The following TTYH3 variants were observed in gnomAD, a reference collection of about 807,000 sequenced individuals.
TTYH3 encodes protein tweety homolog 3.
A neutral mutation model predicts 68.2 loss-of-function variants in TTYH3; 23 were observed. The observed-to-expected ratio is 0.34, with a 90% CI of 0.24 to 0.48. The LOEUF (loss-of-function observed/expected upper bound fraction) is 0.48. Among genes scored for constraint, TTYH3 ranks in the 20% least tolerant of loss-of-function variants. The probability of loss-of-function intolerance (pLI) is 0.99; values close to 1 mark genes in which losing one functional copy is unlikely to be tolerated. For missense variants in TTYH3, 768 were observed against 727.7 expected (o/e 1.06, Z -0.64); for synonymous variants, 360 against 332.8 (o/e 1.08, Z -0.89).
intron 1 of TTYH3, among the ~76,000 whole-genome samples, chr7:2,639,181 G>A (rs1005873474): frequency 1.3e-5 from 2 of 152,156 alleles, no homozygotes; most frequent in Non-Finnish European, 2.9e-5. Flanking sequence ...GTGGAGGCAG[G>A]TGGGGGTCAC....
chr7:2,652,344 A>G (rs1209398697), intron 8 of TTYH3, 102 bp downstream of exon 8: 3 of 1,004,580 alleles, frequency 3.0e-6, no homozygotes, highest in Admixed American at 3.9e-5. Flanking sequence ...CTCAGCCTGC[A>G]GGACTGGGGA....
At chr7:2,647,060 A>C (rs1468202079) in intron 2 of TTYH3, 38 bp downstream of exon 2, 1 of 488,160 alleles carries the variant, frequency 2.0e-6, no homozygotes. Context: ...GCGGGGCCAG[A>C]GGGGGCGGCC....
Position 2,649,916 on chromosome 7 carries a change from T to G in TTYH3, c.799T>G (p.Ser267Ala). 1.2e-6 allele frequency: 2 copies of G among 1,613,784 alleles called. No homozygotes were observed. The highest frequency in any genetic ancestry group is 1.7e-6 in the Non-Finnish European group (2 of 1,179,890). The change falls in exon 7 of 14, where the codon TCC becomes GCC. Residue 267 changes from serine (S) to alanine (A), a missense_variant. Ser to Ala is a moderately conservative substitution (Grantham distance 99, BLOSUM62 1). Transcript: ENST00000258796. ...TGCTTGCCCACGCCCACCTCAGGGCTCCAGCGACTTCTGTGTGGACCCTGA... is the reference window on the plus strand; with the variant it reads ...TGCTTGCCCACGCCCACCTCAGGGCGCCAGCGACTTCTGTGTGGACCCTGA... ...LGLELAVSVGSSDFCVDPDAY... is the reference protein window; with the variant it reads ...LGLELAVSVGASDFCVDPDAY...
rs549518986 is a variant in TTYH3 at position 2,664,004 on chromosome 7, G to A, written c.*2265G>A. ...TCCCATGACCTCGCCACACCTACTG[G>A]GGCATCTGGCTGGTGCCTGCTGCCA... On this transcript the variant is annotated 3_prime_UTR_variant, in exon 14 of 14. Coordinates refer to ENST00000258796, the MANE Select transcript of TTYH3 (RefSeq NM_025250.3). 1.1e-4 allele frequency: 17 copies of A among 152,560 alleles called. No individual in the cohort carries two copies. The highest frequency in any genetic ancestry group is 3.8e-4 in the African/African-American group (16 of 41,570). 9.5% of individuals were successfully genotyped at this position (152,560 alleles called of 1,614,324 possible).
chr7:2,636,123 G>A (rs1446076390), intron 1 of TTYH3, among the ~76,000 whole-genome samples: 3 of 152,172 alleles, frequency 2.0e-5, no homozygotes, highest in African/African-American at 7.2e-5. Context: ...TTGGGAGCCT[G>A]GCTCCTAAGA....
At chr7:2,658,002 G>A (rs1786384074) in intron 11 of TTYH3, among the ~76,000 whole-genome samples, 1 of 152,206 alleles carries the variant, frequency 6.6e-6, no homozygotes, top group African/African-American at 2.4e-5. Flanking sequence ...GAGGGGCCCT[G>A]CACTCTTCTT....
intron 1 of TTYH3, among the ~76,000 whole-genome samples, chr7:2,635,341 C>T (rs1785629783): frequency 6.6e-6 from 1 of 152,242 alleles, no homozygotes; most frequent in African/African-American, 2.4e-5. Flanking sequence ...TCGCTTCTTC[C>T]TGCGTGACCT....
intron 1 of TTYH3, among the ~76,000 whole-genome samples, chr7:2,638,761 G>T (rs565379437): frequency 6.6e-6 from 1 of 152,162 alleles, no homozygotes; most frequent in African/African-American, 2.4e-5. Flanking sequence ...AGCCTGGGCC[G>T]AGTGTGCTAT....
rs74826884 is a variant in TTYH3 at position 2,662,559 on chromosome 7, G to A, written c.*820G>A. 10,928 of 153,004 alleles carry A rather than the reference G, an allele frequency of 0.071. 515 individuals are homozygous for A. Among genetic ancestry groups the A allele is most frequent in the Middle Eastern group, 0.13 (39 of 298 alleles). 9.5% of individuals were successfully genotyped at this position (153,004 alleles called of 1,614,324 possible). On this transcript the variant is annotated 3_prime_UTR_variant, in exon 14 of 14. Transcript: ENST00000258796. ...ACTAACCACATTTGTCATCTCTAGG[G>A]CAGGCTGGGGCTGCGGGCTGAGGGG...
rs7788422 is a variant in TTYH3, at chr7:2,655,108, C to T, written c.1021-984C>T. 2.5e-3 allele frequency among the ~76,000 whole-genome samples: 378 copies of T among 152,072 alleles called. 14 individuals are homozygous for T. Among genetic ancestry groups the T allele is most frequent in the Middle Eastern group, 0.017 (5 of 294 alleles). On this transcript the variant is annotated intron_variant, in intron 9 of 13. Coordinates refer to ENST00000258796, the MANE Select transcript of TTYH3 (RefSeq NM_025250.3). ...GGAATTCTGGAGGCACCATTGAGCC[C>T]GTAACAGTAGGCTCTGTTATCCCGA...
intron 1 of TTYH3, among the ~76,000 whole-genome samples, chr7:2,637,746 C>T (rs1340744395): frequency 1.3e-5 from 2 of 152,152 alleles, no homozygotes; most frequent in African/African-American, 2.4e-5. Context: ...CACAGGAGGG[C>T]CTCCTGTACC....
At chr7:2,648,160 C>T in intron 5 of TTYH3, 106 bp downstream of exon 5, 2 of 1,118,598 alleles carry the variant, frequency 1.8e-6, no homozygotes, top group Non-Finnish European at 2.6e-6. Context: ...GCCACAAGCT[C>T]TGCGGTGGGG....
At chr7:2,649,409 G>A (rs575340387) in intron 5 of TTYH3, among the ~76,000 whole-genome samples, 158 bp from the exon 6 acceptor site, 1 of 152,278 alleles carries the variant, frequency 6.6e-6, no homozygotes, top group East Asian at 1.9e-4. Flanking sequence ...CCTGGGCTGT[G>A]GGCAGCTCTG....
rs531874134 is a variant in TTYH3, at chr7:2,660,149, G to T, written c.1500+1134G>T. The T allele has an allele frequency of 3.8e-5, 45 of 1,188,638 alleles. No individual in the cohort carries two copies. In the Middle Eastern group the frequency reaches 8.9e-4, roughly 24 times the overall value. 73.6% of individuals were successfully genotyped at this position (1,188,638 alleles called of 1,614,324 possible). A position where few individuals can be genotyped will look rare whatever the true frequency, so the allele number is the denominator to read the frequency against. ...TCGGCACTGAGCTGGGGCTCCATCT[G>T]TCCGGCTCCTGTTGGCAGGGCCAGC... On this transcript the variant is annotated intron_variant, in intron 13 of 13. Coordinates refer to ENST00000258796, the MANE Select transcript of TTYH3 (RefSeq NM_025250.3).
rs1458923278 is a variant in TTYH3, at chr7:2,652,904, C to A, written c.928-14C>A. 6.4e-7 allele frequency: 1 copy of A among 1,553,468 alleles called. No homozygotes were observed. Among genetic ancestry groups the A allele is most frequent in the African/African-American group, 1.4e-5 (1 of 73,660 alleles). On this transcript the variant is annotated splice_polypyrimidine_tract_variant and intron_variant, in intron 8 of 13. Transcript: ENST00000258796. ...CCAGCAGCGCCCATGGACTTGGTCT[C>A]CTCTCTGGAGCAGAAGCTGTCGGGC...
Position 2,661,798 on chromosome 7 carries a change from C to A in TTYH3, c.*59C>A. On this transcript the variant is annotated 3_prime_UTR_variant, in exon 14 of 14. Transcript: ENST00000258796. Reference sequence around the variant, plus strand: ...ACTTCCCCTCCCCGTGCCAGCACTGCCGCTTCCACCTGGGCCACCCACCGG... The same window carrying A: ...ACTTCCCCTCCCCGTGCCAGCACTGACGCTTCCACCTGGGCCACCCACCGG... 3 of 1,539,430 alleles carry A rather than the reference C, an allele frequency of 1.9e-6. No individual in the cohort carries two copies. The highest frequency in any genetic ancestry group is 1.8e-6 in the Non-Finnish European group (2 of 1,137,356).
At chr7:2,646,587 A>T (rs116118851) in intron 1 of TTYH3, among the ~76,000 whole-genome samples, 2 of 152,106 alleles carry the variant, frequency 1.3e-5, no homozygotes, top group Non-Finnish European at 2.9e-5. Flanking sequence ...GGCCCCTCCT[A>T]GTGGCTATGG....
At chr7:2,646,048 C>G (rs1200059216) in intron 1 of TTYH3, among the ~76,000 whole-genome samples, 1 of 151,476 alleles carries the variant, frequency 6.6e-6, no homozygotes, top group Non-Finnish European at 1.5e-5. Context: ...GTGTCTCGCT[C>G]TTGTCGCCCA....
chr7:2,654,468 A>G (rs1407946457), intron 9 of TTYH3, among the ~76,000 whole-genome samples: 1 of 139,872 alleles, frequency 7.1e-6, no homozygotes, highest in Non-Finnish European at 1.5e-5. Context: ...AAAATTAAAA[A>G]TAAAAATTAT....
Sources: gnomAD v4.1 joint callset for allele counts (sites outside exome capture counted in the v4.1 genomes callset) on GRCh38, gnomAD v4.1.1 for gene constraint, MANE v1.5 for transcripts, NCBI Gene and HGNC (gene_info 2026-07-23, HGNC 2026-07-21) for gene names.